RPGRIP1: variants seen among roughly 807,000 people sequenced by gnomAD.
RPGRIP1 encodes the protein RPGR interacting protein 1, also known as X-linked retinitis pigmentosa GTPase regulator-interacting protein 1.
In RPGRIP1, 128 loss-of-function variants were observed where a neutral mutation model predicts 157.9. That is an observed-to-expected ratio of 0.81 (90% confidence interval 0.70 to 0.94). The LOEUF (loss-of-function observed/expected upper bound fraction) is 0.94. Among genes scored for constraint, RPGRIP1 ranks in the 40% least tolerant of loss-of-function variants. The pLI, the probability that RPGRIP1 is intolerant of heterozygous loss-of-function variation, is 0.00. For missense variants in RPGRIP1, 1,486 were observed against 1,545.8 expected (o/e 0.96, Z 0.65); for synonymous variants, 554 against 571.6 (o/e 0.97, Z 0.44).
chr14:21,344,978 T>C (rs77380947), intron 22 of RPGRIP1, 135 bp from the exon 23 acceptor site: 7,240 of 647,536 alleles, frequency 0.011, 50 homozygotes, highest in Non-Finnish European at 0.016. Context: ...AAGCAGTTGG[T>C]CCATGTTATT....
intron 14 of RPGRIP1, among the ~76,000 whole-genome samples, chr14:21,322,698 A>C (rs888100011): frequency 6.6e-6 from 1 of 151,974 alleles, no homozygotes; most frequent in African/African-American, 2.4e-5. Context: ...TGTTTCCTCA[A>C]AGCAGTTTTA....
chr14:21,318,304 G>A (rs1036397828), intron 11 of RPGRIP1: 3 of 321,534 alleles, frequency 9.3e-6, no homozygotes, highest in Non-Finnish European at 1.8e-5. Flanking sequence ...TAGAGATGGG[G>A]TTTTACCATG....
intron 21 of RPGRIP1, among the ~76,000 whole-genome samples, chr14:21,338,443 A>G (rs1218985081): frequency 6.6e-6 from 1 of 152,190 alleles, no homozygotes; most frequent in Admixed American, 6.5e-5. Context: ...TGAGCTAATA[A>G]GCCAAAGGGT....
At chr14:21,305,132 T>C (rs1057511021) in intron 6 of RPGRIP1, among the ~76,000 whole-genome samples, 3 of 152,138 alleles carry the variant, frequency 2.0e-5, no homozygotes, top group African/African-American at 7.2e-5. Context: ...TTTTGACAAA[T>C]GTGTAAGGAC....
At chr14:21,324,372 A>G in intron 14 of RPGRIP1, 1 of 560,028 alleles carries the variant, frequency 1.8e-6, no homozygotes, top group Non-Finnish European at 3.2e-6. Context: ...TCCTAAGTTT[A>G]GCATCTACTT....
intron 14 of RPGRIP1, among the ~76,000 whole-genome samples, chr14:21,322,346 A>T (rs1247028336): frequency 1.3e-5 from 2 of 151,948 alleles, no homozygotes; most frequent in Non-Finnish European, 2.9e-5. Context: ...TTTAGTAGAG[A>T]TGGGGTTTCA....
At chr14:21,322,036 G>C (rs774974732) in intron 14 of RPGRIP1, 32 bp downstream of exon 14, 7 of 1,556,780 alleles carry the variant, frequency 4.5e-6, no homozygotes, top group Middle Eastern at 1.7e-4. Flanking sequence ...TCCTCACTTC[G>C]GGACCCTTCC....
intron 19 of RPGRIP1, 107 bp from the exon 20 acceptor site, chr14:21,330,142 A>G: frequency 1.5e-6 from 1 of 688,514 alleles, no homozygotes; most frequent in Non-Finnish European, 2.2e-6. Context: ...AATAAAAATT[A>G]AAAAAATAAA....
At chr14:21,301,352 C>T in intron 4 of RPGRIP1, 115 bp downstream of exon 4, 1 of 1,107,768 alleles carries the variant, frequency 9.0e-7, no homozygotes, top group Non-Finnish European at 1.3e-6. Flanking sequence ...TTCTTTTGTT[C>T]TCACTCCCTC....
In RPGRIP1 at chr14:21,284,540, A is replaced by ATTT. The variant is rs67923336; in HGVS notation, c.-38-3381_-38-3379dup. Reference sequence around the variant, plus strand: ...CTGAAAGTCAAGGCTGGAGAACTAAATTTTTTTTTTTTTTTTTTTTGAAGA... The same window carrying ATTT: ...CTGAAAGTCAAGGCTGGAGAACTAAATTTTTTTTTTTTTTTTTTTTTTTGAAGA... On this transcript the variant is annotated intron_variant, in intron 1 of 24. Coordinates refer to ENST00000400017, the MANE Select transcript of RPGRIP1 (RefSeq NM_020366.4). Among the ~76,000 whole-genome samples, 465 of 130,424 alleles carry ATTT rather than the reference A, an allele frequency of 3.6e-3. 12 individuals are homozygous for ATTT. The highest frequency in any genetic ancestry group is 4.9e-3 in the Non-Finnish European group (313 of 63,642). The allele number at this position is 130,424 out of a possible 152,430, so 85.6% of individuals were successfully genotyped here. A position where few individuals can be genotyped will look rare whatever the true frequency, so the allele number is the denominator to read the frequency against.
intron 1 of RPGRIP1, among the ~76,000 whole-genome samples, chr14:21,280,726 T>G (rs1160303615): frequency 6.6e-6 from 1 of 150,468 alleles, no homozygotes; most frequent in Non-Finnish European, 1.5e-5. Context: ...CCCACCCCCC[T>G]CCTTCCCTAG....
At chr14:21,297,220 A>G (rs1269096810) in intron 3 of RPGRIP1, among the ~76,000 whole-genome samples, 1 of 151,866 alleles carries the variant, frequency 6.6e-6, no homozygotes, top group African/African-American at 2.4e-5. Flanking sequence ...TCAGCCTCCC[A>G]AGTAACTGGG....
chr14:21,307,409 G>A (rs1263248096), intron 6 of RPGRIP1, among the ~76,000 whole-genome samples: 1 of 152,184 alleles, frequency 6.6e-6, no homozygotes, highest in African/African-American at 2.4e-5. Flanking sequence ...TTTCTCTAAG[G>A]AAACGGCTGA....
chr14:21,346,617 T>G (rs1410514618), intron 23 of RPGRIP1, among the ~76,000 whole-genome samples: 2 of 152,338 alleles, frequency 1.3e-5, no homozygotes, highest in South Asian at 2.1e-4. Flanking sequence ...ATGGTTTTTG[T>G]TTTTGAAATC....
chr14:21,297,397 G>C (rs1369243287), intron 3 of RPGRIP1, among the ~76,000 whole-genome samples: 1 of 152,034 alleles, frequency 6.6e-6, no homozygotes, highest in Admixed American at 6.6e-5. Context: ...GCCTGTCCCA[G>C]TGGGAAAAAC....
intron 1 of RPGRIP1, among the ~76,000 whole-genome samples, chr14:21,283,869 G>A (rs1312271154): frequency 2.6e-5 from 4 of 152,078 alleles, no homozygotes; most frequent in Admixed American, 2.6e-4. Flanking sequence ...GGCCGCAGGT[G>A]ATCCATCCGC....
rs566245599 is a variant in RPGRIP1, at chr14:21,316,275, C to T, written c.1152-1421C>T. On this transcript the variant is annotated intron_variant, in intron 10 of 24. Coordinates refer to ENST00000400017, the MANE Select transcript of RPGRIP1 (RefSeq NM_020366.4). ...TACAGGTGTGAGCCACCGCGCCCAGCCAATTTTTGTATTTTTAATGGAGAT... is the reference window on the plus strand; with the variant it reads ...TACAGGTGTGAGCCACCGCGCCCAGTCAATTTTTGTATTTTTAATGGAGAT... Among the ~76,000 whole-genome samples the T allele has an allele frequency of 2.9e-4, 44 of 152,112 alleles. 2 individuals are homozygous for T. The South Asian group carries it at 8.9e-3, about 31-fold the overall frequency.
chr14:21,292,873 G>A (rs113766084), intron 2 of RPGRIP1, among the ~76,000 whole-genome samples: 2,416 of 149,044 alleles, frequency 0.016, 28 homozygotes, highest in Non-Finnish European at 0.025. Context: ...TTAGCCGGGC[G>A]CAGTGGCTCA....
Position 21,287,695 on chromosome 14 carries a change from A to T in RPGRIP1, c.-38-244A>T, listed in dbSNP as rs79246889. On this transcript the variant is annotated intron_variant, in intron 1 of 24. Transcript: ENST00000400017. ...GGCTGAGCAGACACTTAAAAAAATG[A>T]TCCGAAATGATATCCATCAATTCCA... Among the ~76,000 whole-genome samples, 1,015 of 152,268 alleles carry T rather than the reference A, an allele frequency of 6.7e-3. 9 individuals carry two copies. Among genetic ancestry groups the T allele is most frequent in the South Asian group, 0.018 (89 of 4,832 alleles).
Sources: allele counts gnomAD v4.1 joint callset (sites outside exome capture counted in the v4.1 genomes callset), GRCh38; gene constraint gnomAD v4.1.1; transcripts MANE v1.5; gene names NCBI Gene and HGNC (gene_info 2026-07-23, HGNC 2026-07-21).